MTUS2: variants seen among roughly 807,000 people sequenced by gnomAD.
MTUS2 encodes microtubule-associated tumor suppressor candidate 2.
A neutral mutation model predicts 114.1 loss-of-function variants in MTUS2; 40 were observed. The observed-to-expected ratio is 0.35, with a 90% CI of 0.27 to 0.46. The LOEUF (loss-of-function observed/expected upper bound fraction) is 0.46, where lower values mean the gene tolerates loss of function less well. Ranked by LOEUF, MTUS2 falls within the 20% of genes least tolerant of loss-of-function variation. The probability of loss-of-function intolerance (pLI) is 1.00; values close to 1 mark genes in which losing one functional copy is unlikely to be tolerated. For missense variants in MTUS2, 1,679 were observed against 1,705.4 expected, an observed-to-expected ratio of 0.98 and a Z score of 0.27; for synonymous variants, 688 against 672.0, an observed-to-expected ratio of 1.02 and a Z score of -0.37.
intron 2 of MTUS2, among the ~76,000 whole-genome samples, chr13:28,896,380 C>A (rs1879266591): frequency 6.6e-6 from 1 of 152,076 alleles, no homozygotes; most frequent in African/African-American, 2.4e-5. Flanking sequence ...AACTACAAAC[C>A]ACTGCTCAAT....
At chr13:29,354,611 G>A (rs1441366124) in intron 7 of MTUS2, among the ~76,000 whole-genome samples, 1 of 152,084 alleles carries the variant, frequency 6.6e-6, no homozygotes, top group Non-Finnish European at 1.5e-5. Flanking sequence ...CCTACCTTGG[G>A]AGTACCTTGC....
Position 29,440,004 on chromosome 13 carries a change from G to A in MTUS2, c.3139G>A (p.Glu1047Lys). The change falls in exon 9 of 16, where the codon GAA (glutamate) becomes AAA (lysine). Residue 1047 changes from glutamate to lysine, a missense_variant. Coordinates refer to ENST00000612955, the MANE Select transcript of MTUS2 (RefSeq NM_001033602.4). ...TCAGAATGAAAGTGCCCTTGTGAAA[G>A]AAAAAGAGCTGTCAATCGAACTTGC... Reference protein sequence around the residue: ...FRKNESALVKEKELSIELANI... With the variant: ...FRKNESALVKKKELSIELANI... 4 of 1,587,960 alleles carry A rather than the reference G, an allele frequency of 2.5e-6. No homozygotes were observed. The highest frequency in any genetic ancestry group is 2.6e-6 in the Non-Finnish European group (3 of 1,165,464).
chr13:29,146,890 G>A (rs1322753800), intron 5 of MTUS2, among the ~76,000 whole-genome samples: 1 of 152,176 alleles, frequency 6.6e-6, no homozygotes, highest in Admixed American at 6.5e-5. Flanking sequence ...GATTTATTAA[G>A]TGTGCAGTAC....
At chr13:29,338,062 G>C (rs1480994833) in intron 7 of MTUS2, among the ~76,000 whole-genome samples, 1 of 151,408 alleles carries the variant, frequency 6.6e-6, no homozygotes, top group Non-Finnish European at 1.5e-5. Context: ...AAAGTGCTGG[G>C]ATTACAGGTG....
intron 2 of MTUS2, among the ~76,000 whole-genome samples, chr13:28,963,090 G>T (rs1883405341): frequency 6.6e-6 from 1 of 152,162 alleles, no homozygotes; most frequent in African/African-American, 2.4e-5. Flanking sequence ...AGTGGCTCAT[G>T]CCTGTAATTC....
At chr13:29,424,738 G>A (rs1189363142) in intron 8 of MTUS2, among the ~76,000 whole-genome samples, 1 of 152,122 alleles carries the variant, frequency 6.6e-6, no homozygotes, top group Non-Finnish European at 1.5e-5. Context: ...AACAGGTGAA[G>A]TGACATTACA....
chr13:28,890,786 A>G (rs1378929146), intron 2 of MTUS2, among the ~76,000 whole-genome samples: 2 of 152,116 alleles, frequency 1.3e-5, no homozygotes, highest in Non-Finnish European at 2.9e-5. Context: ...ATCTAGTCTC[A>G]TGGCTTTTTG....
intron 12 of MTUS2, among the ~76,000 whole-genome samples, chr13:29,495,326 C>T (rs1414577452): frequency 1.4e-5 from 2 of 141,204 alleles, no homozygotes; most frequent in Non-Finnish European, 3.0e-5. Flanking sequence ...CCACTGCACT[C>T]CAACCTGGGT....
chr13:28,966,953 C>G (rs1883623684), intron 2 of MTUS2, among the ~76,000 whole-genome samples: 1 of 152,104 alleles, frequency 6.6e-6, no homozygotes, highest in Admixed American at 6.6e-5. Flanking sequence ...AGCAAATTTT[C>G]CCTTGATTAA....
intron 2 of MTUS2, among the ~76,000 whole-genome samples, chr13:28,901,719 T>C (rs2137961904): frequency 6.6e-6 from 1 of 152,330 alleles, no homozygotes; most frequent in South Asian, 2.1e-4. Context: ...TTGGTCTGTG[T>C]GTCTATGCCT....
chr13:28,843,665 G>A (rs1178592562), intron 2 of MTUS2, among the ~76,000 whole-genome samples: 1 of 152,188 alleles, frequency 6.6e-6, no homozygotes, highest in Non-Finnish European at 1.5e-5. Flanking sequence ...ATTAAATGAT[G>A]CATAAGACTG....
chr13:29,229,477 T>C (rs573574559), intron 5 of MTUS2, among the ~76,000 whole-genome samples: 1 of 152,350 alleles, frequency 6.6e-6, no homozygotes, highest in Non-Finnish European at 1.5e-5. Context: ...AGTAGCTATA[T>C]TATTAACGAC....
rs1276202843 is a variant in MTUS2, at chr13:29,100,568, CCT to C, written c.2447-200_2447-199del. Among the ~76,000 whole-genome samples, 3 of 152,256 alleles carry C rather than the reference CCT, an allele frequency of 2.0e-5. No homozygotes were observed. In the East Asian group the frequency reaches 5.8e-4, roughly 29 times the overall value. On this transcript the variant is annotated intron_variant, in intron 4 of 15. Transcript: ENST00000612955. ...TGTCCAGGCTGGGGCTGCACCACCT[CCT>C]CTCTGAGTTCTCTGAGGCACCTGAC...
intron 5 of MTUS2, among the ~76,000 whole-genome samples, chr13:29,133,312 T>C (rs1042447717): frequency 6.6e-6 from 1 of 152,206 alleles, no homozygotes; most frequent in African/African-American, 2.4e-5. Context: ...TTCTGTGGGT[T>C]GCCTTTTAAT....
At chr13:28,987,322 G>A (rs1226749172) in intron 2 of MTUS2, among the ~76,000 whole-genome samples, 1 of 152,176 alleles carries the variant, frequency 6.6e-6, no homozygotes, top group African/African-American at 2.4e-5. Context: ...CACATCTAGT[G>A]CAGCACAGAG....
chr13:29,067,622 G>A lies in MTUS2; in HGVS notation c.2447-33151G>A, dbSNP rs1888721982. 2.6e-5 allele frequency among the ~76,000 whole-genome samples: 4 copies of A among 152,204 alleles called. No homozygotes were observed. In the South Asian group the frequency reaches 8.3e-4, roughly 32 times the overall value. On this transcript the variant is annotated intron_variant, in intron 4 of 15. Transcript: ENST00000612955. ...AGAATAGACGGCTGTTTCTAAAAAT[G>A]TGCTGATGGATAAAAGAGCCACGGG...
chr13:28,888,254 C>T (rs1355051870), intron 2 of MTUS2, among the ~76,000 whole-genome samples: 1 of 152,096 alleles, frequency 6.6e-6, no homozygotes, highest in Non-Finnish European at 1.5e-5. Flanking sequence ...CAGAGTTTTA[C>T]TAAATAGCAT....
chr13:29,262,389 G>T (rs1014106013), intron 5 of MTUS2, among the ~76,000 whole-genome samples: 11 of 152,130 alleles, frequency 7.2e-5, no homozygotes, highest in African/African-American at 1.9e-4. Flanking sequence ...CAGTTCATCT[G>T]CACCCATATT....
chr13:29,301,627 C>T (rs1054578069), intron 6 of MTUS2, among the ~76,000 whole-genome samples: 1 of 152,108 alleles, frequency 6.6e-6, no homozygotes, highest in East Asian at 1.9e-4. Context: ...TGCTGTGTGA[C>T]CCTGATTCAA....
Sources: gnomAD v4.1 joint callset for allele counts (sites outside exome capture counted in the v4.1 genomes callset) on GRCh38, gnomAD v4.1.1 for gene constraint, MANE v1.5 for transcripts, NCBI Gene and HGNC (gene_info 2026-07-23, HGNC 2026-07-21) for gene names.